GCNT1: variants seen among roughly 807,000 people sequenced by gnomAD.
GCNT1 encodes beta-1,3-galactosyl-O-glycosyl-glycoprotein beta-1,6-N-acetylglucosaminyltransferase.
In GCNT1, 16 loss-of-function variants were observed where a neutral mutation model predicts 26.2. That is an observed-to-expected ratio of 0.61 (90% CI 0.41 to 0.93). The LOEUF is 0.93. Ranked by LOEUF, GCNT1 falls within the 40% of genes least tolerant of loss-of-function variation. GCNT1 has a pLI of 0.00. For missense variants in GCNT1, 477 were observed against 526.7 expected, an observed-to-expected ratio of 0.91 and a Z score of 0.92; for synonymous variants, 183 against 190.8, an observed-to-expected ratio of 0.96 and a Z score of 0.34.
chr9:76,429,476 C>T (rs780514430), intron 1 of GCNT1, among the ~76,000 whole-genome samples: 26 of 152,256 alleles, frequency 1.7e-4, no homozygotes, highest in Middle Eastern at 6.8e-3. Context: ...ATACAGTGGC[C>T]TAAAAACCAA....
intron 2 of GCNT1, among the ~76,000 whole-genome samples, chr9:76,486,530 C>T (rs1251376723): frequency 6.6e-6 from 1 of 152,200 alleles, no homozygotes; most frequent in African/African-American, 2.4e-5. Context: ...TGCACGGTCT[C>T]AGCTTTCCCC....
At chr9:76,430,150 T>A (rs1053331467) in intron 1 of GCNT1, among the ~76,000 whole-genome samples, 1 of 152,192 alleles carries the variant, frequency 6.6e-6, no homozygotes, top group African/African-American at 2.4e-5. Flanking sequence ...TAGTAAAGCG[T>A]TATGTATACA....
chr9:76,468,060 C>T (rs1345489351), intron 2 of GCNT1, among the ~76,000 whole-genome samples: 2 of 152,042 alleles, frequency 1.3e-5, no homozygotes, highest in Non-Finnish European at 2.9e-5. Flanking sequence ...GCACATGCCA[C>T]CATGCCTGGC....
In GCNT1 at chr9:76,502,893, C is replaced by T. The variant is rs1825121011; in HGVS notation, c.512C>T (p.Ser171Phe). Residue 171 changes from serine (S) to phenylalanine (F), a missense_variant, in exon 4 of 4, where the codon TCC becomes TTC. Coordinates refer to ENST00000376730, the MANE Select transcript of GCNT1 (RefSeq NM_001490.5). ...TTAGCTGCAGTGATGGGCATCGCTT[C>T]CTGTTTTAGTAATGTCTTTGTGGCC... is the stretch of plus-strand genomic sequence containing the variant. ...SYLAAVMGIA[S>F]CFSNVFVASR... 1.2e-6 allele frequency: 2 copies of T among 1,613,882 alleles called. No individual in the cohort carries two copies. The highest frequency in any genetic ancestry group is 2.2e-5 in the South Asian group (2 of 91,070).
At chr9:76,500,301 A>C (rs1458375726) in intron 2 of GCNT1, among the ~76,000 whole-genome samples, 2 of 152,218 alleles carry the variant, frequency 1.3e-5, no homozygotes, top group Admixed American at 1.3e-4. Context: ...AGACCCACTC[A>C]AGTTTCTCTC....
intron 2 of GCNT1, among the ~76,000 whole-genome samples, chr9:76,462,881 G>A (rs1292812129): frequency 6.6e-6 from 1 of 152,052 alleles, no homozygotes. Flanking sequence ...CAAGCGTTCA[G>A]TGTATTTGTT....
upstream of GCNT1, among the ~76,000 whole-genome samples, chr9:76,456,809 CA>C (rs1291706192): frequency 6.6e-6 from 1 of 152,042 alleles, no homozygotes; most frequent in Non-Finnish European, 1.5e-5. Context: ...CCTATCTCTA[CA>C]AAAAATACCA....
chr9:76,471,268 T>G (rs1008485316), intron 2 of GCNT1, among the ~76,000 whole-genome samples: 24 of 152,300 alleles, frequency 1.6e-4, no homozygotes, highest in Non-Finnish European at 3.1e-4. Flanking sequence ...TCAGATGATT[T>G]GCCCACCTCG....
chr9:76,483,825 T>G (rs918610511), intron 2 of GCNT1, among the ~76,000 whole-genome samples: 1 of 152,030 alleles, frequency 6.6e-6, no homozygotes. Flanking sequence ...TGAAAAACTT[T>G]TTGTCGTGTG....
intron 2 of GCNT1, among the ~76,000 whole-genome samples, chr9:76,488,581 TTCA>T (rs1402362525): frequency 6.6e-6 from 1 of 152,130 alleles, no homozygotes; most frequent in Non-Finnish European, 1.5e-5. Context: ...TCCTCCTGGG[TTCA>T]AGCGATTGTT....
intron 2 of GCNT1, among the ~76,000 whole-genome samples, chr9:76,483,200 T>C (rs1824468803): frequency 6.6e-6 from 1 of 152,090 alleles, no homozygotes; most frequent in Non-Finnish European, 1.5e-5. Flanking sequence ...TTTAAAAAAG[T>C]ATTTGTTGAG....
chr9:76,426,670 T>G (rs1046892807), intron 1 of GCNT1, among the ~76,000 whole-genome samples: 4 of 152,092 alleles, frequency 2.6e-5, no homozygotes, highest in Admixed American at 6.6e-5. Context: ...CTAAGGCAGG[T>G]GGATCACCTG....
the GCNT1 span, among the ~76,000 whole-genome samples, chr9:76,400,630 C>T: frequency 6.6e-6 from 1 of 152,190 alleles, no homozygotes; most frequent in Admixed American, 6.5e-5. Context: ...GGGAACTTTA[C>T]CAATTCCTCT....
At chr9:76,477,104 G>C (rs1165016715) in intron 2 of GCNT1, among the ~76,000 whole-genome samples, 2 of 151,688 alleles carry the variant, frequency 1.3e-5, no homozygotes, top group Non-Finnish European at 2.9e-5. Flanking sequence ...TAGTACAGAC[G>C]GGGTTTCACC....
chr9:76,421,673 A>T (rs1272966210), intron 1 of GCNT1, among the ~76,000 whole-genome samples: 1 of 142,534 alleles, frequency 7.0e-6, no homozygotes, highest in Non-Finnish European at 1.5e-5. Flanking sequence ...ATGGCAACTC[A>T]ATTTGTTTGT....
At chr9:76,413,653 G>GTTTTTTTTTTTTTTTTTTTTTTTTTTTTT in the GCNT1 span, among the ~76,000 whole-genome samples, 7 of 118,664 alleles carry the variant, frequency 5.9e-5, no homozygotes, top group Non-Finnish European at 1.1e-4. Flanking sequence ...GTTTTGTTTT[G>GTTTTTTTTTTTTTTTTTTTTTTTTTTTTT]TTTTTTTTTT....
chr9:76,450,825 G>C (rs543121500), intron 1 of GCNT1, among the ~76,000 whole-genome samples: 25 of 152,114 alleles, frequency 1.6e-4, no homozygotes, highest in African/African-American at 5.1e-4. Flanking sequence ...TTTTAACTTT[G>C]TTTATGATAT....
At chr9:76,452,323 A>G (rs1415470856) in intron 1 of GCNT1, among the ~76,000 whole-genome samples, 1 of 152,156 alleles carries the variant, frequency 6.6e-6, no homozygotes, top group Admixed American at 6.6e-5. Flanking sequence ...ACCAAAATAT[A>G]TTTAGCCTCT....
At chr9:76,454,275 C>A (rs975923928), upstream of GCNT1, among the ~76,000 whole-genome samples, 1 of 148,222 alleles carries the variant, frequency 6.7e-6, no homozygotes, top group African/African-American at 2.5e-5. Context: ...ACTTGGGAGG[C>A]TGAGGCAGAA....
Sources: allele counts gnomAD v4.1 joint callset (sites outside exome capture counted in the v4.1 genomes callset), GRCh38; gene constraint gnomAD v4.1.1; transcripts MANE v1.5; gene names NCBI Gene and HGNC (gene_info 2026-07-23, HGNC 2026-07-21).